RHOU: variants seen among roughly 807,000 people sequenced by gnomAD.
RHOU encodes the protein rho-related GTP-binding protein RhoU.
Under a neutral mutation model 12.6 loss-of-function variants are expected in RHOU, and 8 were observed. The ratio of observed to expected loss-of-function variants is 0.64; its 90% confidence interval spans 0.37 to 1.15. The LOEUF is 1.15. Ranked by LOEUF, RHOU falls within the 50% of genes most tolerant of loss-of-function variation. The probability of loss-of-function intolerance (pLI) is 0.01; values close to 1 mark genes in which losing one functional copy is unlikely to be tolerated. For missense variants in RHOU, 258 were observed against 347.0 expected (o/e 0.74, Z 2.04); for synonymous variants, 161 against 147.4 (o/e 1.09, Z -0.67).
chr1:228,653,943 T>C, the RHOU span, among the ~76,000 whole-genome samples: 1 of 152,226 alleles, frequency 6.6e-6, no homozygotes, highest in Non-Finnish European at 1.5e-5. Flanking sequence ...AGAACAGCTG[T>C]AATACACCTG....
At chr1:228,723,625 C>T in the RHOU span, among the ~76,000 whole-genome samples, 1 of 152,230 alleles carries the variant, frequency 6.6e-6, no homozygotes, top group Non-Finnish European at 1.5e-5. Flanking sequence ...TGCCGTCAGG[C>T]TCTAAGAGCT....
chr1:228,648,605 T>C, the RHOU span, among the ~76,000 whole-genome samples: 1 of 152,236 alleles, frequency 6.6e-6, no homozygotes, highest in Admixed American at 6.5e-5. Flanking sequence ...ACTGCAGCTT[T>C]ACAGTTGAAT....
At chr1:228,728,853 A>G in the RHOU span, among the ~76,000 whole-genome samples, 1 of 151,550 alleles carries the variant, frequency 6.6e-6, no homozygotes, top group East Asian at 1.9e-4. Context: ...GCCCCCAATT[A>G]CTCTGACATC....
In RHOU at chr1:228,737,194, G is replaced by A. The variant is rs550607108; in HGVS notation, c.263-479G>A. 6.6e-6 allele frequency among the ~76,000 whole-genome samples: 1 copy of A among 152,276 alleles called. No individual in the cohort carries two copies. Among genetic ancestry groups the A allele is most frequent in the Non-Finnish European group, 1.5e-5 (1 of 68,014 alleles). On this transcript the variant is annotated intron_variant, in intron 1 of 2. Coordinates refer to ENST00000366691, the MANE Select transcript of RHOU (RefSeq NM_021205.6). This position sits in a 1 kb window ranked among gnomAD's most constrained non-coding sequence, Gnocchi z 4.1. ...TCATTTCTTAAACAGGACAATGCGG[G>A]CAGCCTGTGTTTGCACATGTTCTCA... is the stretch of plus-strand genomic sequence containing the variant.
chr1:228,712,832 TAAAA>T, the RHOU span, among the ~76,000 whole-genome samples: 2 of 44,490 alleles, frequency 4.5e-5, no homozygotes, highest in African/African-American at 4.0e-4. Flanking sequence ...AATAAATAAA[TAAAA>T]TAAAATAAAA....
chr1:228,703,629 T>A, the RHOU span, among the ~76,000 whole-genome samples: 1 of 152,196 alleles, frequency 6.6e-6, no homozygotes, highest in African/African-American at 2.4e-5. Context: ...AGCTACTTTT[T>A]CTTAGCTAAA....
At chr1:228,736,576 T>A (rs1039803348) in intron 1 of RHOU, among the ~76,000 whole-genome samples, 5 of 152,146 alleles carry the variant, frequency 3.3e-5, no homozygotes, top group African/African-American at 9.7e-5. Flanking sequence ...GGATGAAACC[T>A]GAAGAGTAAA....
chr1:228,727,927 C>T, the RHOU span, among the ~76,000 whole-genome samples: 10 of 152,152 alleles, frequency 6.6e-5, no homozygotes, highest in East Asian at 9.7e-4. Context: ...AGCTGGGGAA[C>T]GTTTGGGAAA....
the RHOU span, among the ~76,000 whole-genome samples, chr1:228,657,279 CAAAAAAAAAAAAAA>C: frequency 3.6e-5 from 1 of 28,032 alleles, no homozygotes; most frequent in African/African-American, 1.4e-4. Context: ...AACTCCATCT[CAAAAAAAAAAAAAA>C]AAAAAAAAAG....
At chr1:228,678,751 G>C in the RHOU span, among the ~76,000 whole-genome samples, 1 of 152,050 alleles carries the variant, frequency 6.6e-6, no homozygotes, top group Non-Finnish European at 1.5e-5. Context: ...TAGTGGAGGA[G>C]GGCAGAAAGT....
chr1:228,650,195 C>T, the RHOU span: 1 of 456,794 alleles, frequency 2.2e-6, no homozygotes, highest in South Asian at 1.5e-5. Flanking sequence ...GCTGCAGCCC[C>T]ATGGGTCGCC....
the RHOU span, among the ~76,000 whole-genome samples, chr1:228,717,131 G>C: frequency 1.3e-5 from 2 of 152,094 alleles, no homozygotes; most frequent in Non-Finnish European, 2.9e-5. Context: ...TAGTCTTTTC[G>C]GGCCACTGAA....
the RHOU span, among the ~76,000 whole-genome samples, chr1:228,647,499 C>T: frequency 6.6e-6 from 1 of 152,200 alleles, no homozygotes; most frequent in African/African-American, 2.4e-5. Context: ...TCCTTCCTCC[C>T]GGGTAAAGCA....
At chr1:228,648,544 C>G in the RHOU span, among the ~76,000 whole-genome samples, 1 of 152,192 alleles carries the variant, frequency 6.6e-6, no homozygotes, top group Admixed American at 6.5e-5. Context: ...AAGACCCTCT[C>G]TTGCTTCACC....
the RHOU span, among the ~76,000 whole-genome samples, chr1:228,667,468 A>T: frequency 1.3e-5 from 2 of 152,180 alleles, no homozygotes; most frequent in East Asian, 3.8e-4. Context: ...AATCTTAAAC[A>T]CACTTGCATC....
the RHOU span, among the ~76,000 whole-genome samples, chr1:228,686,357 G>T: frequency 6.6e-6 from 1 of 152,032 alleles, no homozygotes; most frequent in Non-Finnish European, 1.5e-5. Context: ...GGAAATAGTG[G>T]TGATAGTTGT....
chr1:228,743,713 G>T lies in RHOU; in HGVS notation c.750G>T (p.Trp250Cys). ...PDKMKNLSKS[W>C]WKKYCCFV is the part of the protein sequence containing the mutation. ...AAATGAAAAACCTCTCCAAGTCCTGGTGGAAGAAGTACTGCTGTTTCGTAT... is the reference window on the plus strand; with the variant it reads ...AAATGAAAAACCTCTCCAAGTCCTGTTGGAAGAAGTACTGCTGTTTCGTAT... The change falls in exon 3 of 3, where the codon TGG becomes TGT. Residue 250 changes from tryptophan (W) to cysteine (C), a missense_variant. Coordinates refer to ENST00000366691, the MANE Select transcript of RHOU (RefSeq NM_021205.6). This position sits in a 1 kb window ranked among gnomAD's most constrained non-coding sequence, Gnocchi z 5.1. The T allele has an allele frequency of 6.2e-7, 1 of 1,613,484 alleles. No homozygotes were observed. Among genetic ancestry groups the T allele is most frequent in the Non-Finnish European group, 8.5e-7 (1 of 1,179,694 alleles).
At chr1:228,728,218 C>G in the RHOU span, among the ~76,000 whole-genome samples, 1 of 152,298 alleles carries the variant, frequency 6.6e-6, no homozygotes, top group East Asian at 1.9e-4. Flanking sequence ...CTCAGCCTGC[C>G]TAGAACAGCA....
At chr1:228,647,114 A>C in the RHOU span, among the ~76,000 whole-genome samples, 1 of 152,158 alleles carries the variant, frequency 6.6e-6, no homozygotes, top group African/African-American at 2.4e-5. Flanking sequence ...CCCCCTTTTG[A>C]GCAGTCCGGA....
Sources: allele counts gnomAD v4.1 joint callset (sites outside exome capture counted in the v4.1 genomes callset), GRCh38; gene constraint gnomAD v4.1.1; non-coding constraint Gnocchi (gnomAD v3.1); transcripts MANE v1.5; gene names NCBI Gene and HGNC (gene_info 2026-07-23, HGNC 2026-07-21).